RBFOX1: variants seen among roughly 807,000 people sequenced by gnomAD.
The protein encoded by RBFOX1 is RNA binding protein fox-1 homolog 1.
A neutral mutation model predicts 57.7 loss-of-function variants in RBFOX1; 8 were observed. The observed-to-expected ratio is 0.14, with a 90% CI of 0.08 to 0.25. RBFOX1 has a LOEUF of 0.25. Ranked by LOEUF, RBFOX1 falls within the 10% of genes least tolerant of loss-of-function variation. The pLI is 1.00. For synonymous variants in RBFOX1, 326 were observed against 222.4 expected (o/e 1.47, Z -4.15); for missense variants, 611 against 548.5 (o/e 1.11, Z -1.14).
chr16:6,642,819 A>T (rs981205987), intron 2 of RBFOX1, among the ~76,000 whole-genome samples: 2 of 152,018 alleles, frequency 1.3e-5, no homozygotes, highest in Non-Finnish European at 2.9e-5. Context: ...CCCCCTGAAG[A>T]TTCCTCCAAA....
At chr16:6,075,276 T>G (rs901310614) in intron 1 of RBFOX1, among the ~76,000 whole-genome samples, 1 of 152,184 alleles carries the variant, frequency 6.6e-6, no homozygotes, top group Non-Finnish European at 1.5e-5. Flanking sequence ...AGAAATAAGA[T>G]CACCACATTT....
chr16:7,414,003 T>G (rs2098455736), intron 4 of RBFOX1, among the ~76,000 whole-genome samples: 2 of 152,222 alleles, frequency 1.3e-5, no homozygotes, highest in Non-Finnish European at 2.9e-5. Flanking sequence ...CATCACCTCC[T>G]GCAGAGATGT....
chr16:6,431,896 G>GTTTTCTTTCTTTCTTTCTTTCTTT (rs1555469937), intron 2 of RBFOX1, among the ~76,000 whole-genome samples: 1 of 128,120 alleles, frequency 7.8e-6, no homozygotes, highest in African/African-American at 3.1e-5. Flanking sequence ...TTGCTTGCTT[G>GTTTTCTTTCTTTCTTTCTTTCTTT]CTTTCTTTCT....
At chr16:6,790,191 T>TATTATTA (rs2082676821) in intron 3 of RBFOX1, among the ~76,000 whole-genome samples, 1 of 148,312 alleles carries the variant, frequency 6.7e-6, no homozygotes, top group African/African-American at 2.5e-5. Flanking sequence ...TTATTATTAT[T>TATTATTA]ATTATTATTT....
chr16:5,791,885 T>G (rs1166524627), intron 3 of RBFOX1, among the ~76,000 whole-genome samples: 1 of 152,168 alleles, frequency 6.6e-6, no homozygotes, highest in Non-Finnish European at 1.5e-5. Flanking sequence ...CTGTCATCCT[T>G]ATGGAGGTTT....
intron 1 of RBFOX1, among the ~76,000 whole-genome samples, chr16:5,312,561 T>C (rs1344905072): frequency 1.3e-5 from 2 of 152,138 alleles, no homozygotes; most frequent in African/African-American, 4.8e-5. Context: ...ATGATCCACC[T>C]GCCTCAGCCT....
chr16:7,190,405 A>T (rs2085080020), intron 4 of RBFOX1, among the ~76,000 whole-genome samples: 1 of 152,062 alleles, frequency 6.6e-6, no homozygotes, highest in African/African-American at 2.4e-5. Context: ...AACTTCCCTC[A>T]TTGTTTTTGT....
intron 1 of RBFOX1, among the ~76,000 whole-genome samples, chr16:5,308,748 G>A (rs2064003937): frequency 1.0e-5 from 1 of 95,350 alleles, no homozygotes; most frequent in Non-Finnish European, 2.7e-5. Context: ...TTTGCTATGT[G>A]TTACATTTTT....
At chr16:5,697,954 A>G (rs1311684274) in intron 3 of RBFOX1, among the ~76,000 whole-genome samples, 2 of 152,190 alleles carry the variant, frequency 1.3e-5, no homozygotes, top group Non-Finnish European at 2.9e-5. Context: ...ATGAGTAGGT[A>G]TTAAGTTTTA....
intron 5 of RBFOX1, among the ~76,000 whole-genome samples, chr16:7,560,017 A>G (rs2089929966): frequency 6.6e-6 from 1 of 152,214 alleles, no homozygotes; most frequent in African/African-American, 2.4e-5. Flanking sequence ...ATTTTAAAAG[A>G]TTTATCTTGA....
intron 2 of RBFOX1, among the ~76,000 whole-genome samples, chr16:6,437,937 C>G (rs977701125): frequency 6.6e-6 from 1 of 152,130 alleles, no homozygotes; most frequent in Non-Finnish European, 1.5e-5. Context: ...CAGAGCCAAA[C>G]CATATCAGCA....
chr16:7,010,632 C>T (rs563819644), intron 3 of RBFOX1, among the ~76,000 whole-genome samples: 1 of 152,008 alleles, frequency 6.6e-6, no homozygotes, highest in Non-Finnish European at 1.5e-5. Context: ...TGACTTAAAC[C>T]AATGGCTCTC....
intron 1 of RBFOX1, among the ~76,000 whole-genome samples, chr16:6,065,417 G>A (rs1251550984): frequency 1.3e-5 from 2 of 152,056 alleles, no homozygotes; most frequent in African/African-American, 2.4e-5. Flanking sequence ...GCTATTGTGT[G>A]TTCTTAGGTG....
intron 3 of RBFOX1, among the ~76,000 whole-genome samples, chr16:6,687,281 C>T (rs532769885): frequency 2.6e-5 from 4 of 151,956 alleles, no homozygotes; most frequent in Non-Finnish European, 4.4e-5. Context: ...TTTGGATACT[C>T]AGAAGGGGGA....
rs555551901 is a variant in RBFOX1 at position 5,477,109 on chromosome 16, G to T, written c.258+9855G>T. 2.6e-5 allele frequency among the ~76,000 whole-genome samples: 4 copies of T among 152,290 alleles called. No individual in the cohort carries two copies. In the East Asian group the frequency reaches 7.7e-4, roughly 29 times the overall value. On this transcript the variant is annotated intron_variant, in intron 2 of 2. Coordinates refer to the RBFOX1 transcript ENST00000585867. ...GCTCACAGCAGCCTCGACCTCCTGG[G>T]CTCAGGCGATACCTCCCACCTTAGC...
At position 7,208,620 on chromosome 16, in the gene RBFOX1, C is replaced by T. The variant is rs576809584; in HGVS notation, c.27+156522C>T. On this transcript the variant is annotated intron_variant, in intron 4 of 15. Coordinates refer to ENST00000550418, the MANE Select transcript of RBFOX1 (RefSeq NM_018723.4). ...GGAGGCTGTGGTGGGAAGTTTGCTT[C>T]AGGGTAAGAGTTTCAGAGCAACCTG... Among the ~76,000 whole-genome samples, 3 of 152,118 alleles carry T rather than the reference C, an allele frequency of 2.0e-5. No individual in the cohort carries two copies. In the South Asian group the frequency reaches 6.2e-4, roughly 32 times the overall value.
intron 5 of RBFOX1, chr16:7,519,587 G>T (rs1287074865): frequency 2.6e-6 from 1 of 379,448 alleles, no homozygotes; most frequent in Non-Finnish European, 3.6e-6. Context: ...GTTCATTTGT[G>T]TGCCACCTAA....
At chr16:6,290,728 A>G (rs1447500585) in intron 1 of RBFOX1, among the ~76,000 whole-genome samples, 1 of 152,164 alleles carries the variant, frequency 6.6e-6, no homozygotes, top group Non-Finnish European at 1.5e-5. Flanking sequence ...TATTCTGTAA[A>G]ATGCACAGTT....
chr16:6,169,052 C>T (rs2096939124), intron 1 of RBFOX1, among the ~76,000 whole-genome samples: 1 of 152,110 alleles, frequency 6.6e-6, no homozygotes, highest in Non-Finnish European at 1.5e-5. Flanking sequence ...GTCATATAAA[C>T]CATGTTTATC....
Sources: allele counts gnomAD v4.1 joint callset (sites outside exome capture counted in the v4.1 genomes callset), GRCh38; gene constraint gnomAD v4.1.1; transcripts MANE v1.5; gene names NCBI Gene and HGNC (gene_info 2026-07-23, HGNC 2026-07-21).